Variants in COG7 observed in about 807,000 individuals in gnomAD.
COG7 encodes conserved oligomeric Golgi complex subunit 7.
COG7 carries 49 observed loss-of-function variants against 91.5 expected under a neutral mutation model. The observed-to-expected ratio is 0.54, with a 90% CI of 0.43 to 0.68. The LOEUF (loss-of-function observed/expected upper bound fraction) is 0.68, where lower values mean the gene tolerates loss of function less well. Ranked by LOEUF, COG7 falls within the 30% of genes least tolerant of loss-of-function variation. The pLI is 0.00. For synonymous variants in COG7, 365 were observed against 388.7 expected, an observed-to-expected ratio of 0.94 and a Z score of 0.72; for missense variants, 895 against 961.3, an observed-to-expected ratio of 0.93 and a Z score of 0.91.
intron 6 of COG7, among the ~76,000 whole-genome samples, chr16:23,430,254 C>A (rs1366913150): frequency 1.3e-5 from 2 of 151,966 alleles, no homozygotes; most frequent in Non-Finnish European, 2.9e-5. Flanking sequence ...CATGGCAAAA[C>A]CCTGTCTCCA....
chr16:23,406,881 G>A (rs1344127523), intron 11 of COG7, among the ~76,000 whole-genome samples: 4 of 152,310 alleles, frequency 2.6e-5, no homozygotes, highest in African/African-American at 9.6e-5. Context: ...ACGCCTAGAG[G>A]AGGTTTCATA....
intron 1 of COG7, among the ~76,000 whole-genome samples, chr16:23,452,139 T>C (rs533530208): frequency 1.2e-3 from 185 of 152,362 alleles, no homozygotes; most frequent in African/African-American, 4.3e-3. Context: ...TTAAAACTTC[T>C]AGCATTTAAA....
At chr16:23,418,296 G>T (rs2030304030) in intron 8 of COG7, among the ~76,000 whole-genome samples, 1 of 152,184 alleles carries the variant, frequency 6.6e-6, no homozygotes, top group Non-Finnish European at 1.5e-5. Context: ...CTTGAGCCCA[G>T]GAGTTTGAGA....
Position 23,394,327 on chromosome 16 carries a change from G to A in COG7, c.1888-980C>T, listed in dbSNP as rs555316460. On this transcript the variant is annotated intron_variant, in intron 14 of 16. Coordinates refer to ENST00000307149, the MANE Select transcript of COG7 (RefSeq NM_153603.4). ...CCACAATTAGCACAGTCTTGGTCAT[G>A]TGTTTGTCAGATATCCACGTGATGC... 2.0e-5 allele frequency among the ~76,000 whole-genome samples: 3 copies of A among 152,324 alleles called. No individual in the cohort carries two copies. In the South Asian group the frequency reaches 6.2e-4, roughly 32 times the overall value.
intron 4 of COG7, among the ~76,000 whole-genome samples, chr16:23,436,826 A>T (rs924817978): frequency 1.3e-5 from 2 of 152,220 alleles, no homozygotes; most frequent in African/African-American, 4.8e-5. Context: ...GGGCGGGGGA[A>T]CCCTTCCTGA....
intron 4 of COG7, among the ~76,000 whole-genome samples, chr16:23,440,666 C>T (rs773304652): frequency 6.6e-5 from 10 of 151,900 alleles, no homozygotes; most frequent in Non-Finnish European, 8.8e-5. Context: ...TGTGATACCT[C>T]GGCTTGTCTC....
chr16:23,392,597 G>T (rs1272962624), intron 15 of COG7, 74 bp from the exon 16 acceptor site: 1 of 1,577,846 alleles, frequency 6.3e-7, no homozygotes, highest in East Asian at 2.2e-5. Context: ...GTACCAGGAA[G>T]CTTCTGATCT....
chr16:23,418,917 A>C, intron 7 of COG7, 90 bp from the exon 8 acceptor site: 2 of 1,207,600 alleles, frequency 1.7e-6, no homozygotes. Flanking sequence ...CTCTACTAGA[A>C]CTTTCCCCAT....
At chr16:23,414,840 A>G (rs1282919006) in intron 9 of COG7, 1 of 152,124 alleles carries the variant, frequency 6.6e-6, no homozygotes, top group Non-Finnish European at 1.5e-5. Flanking sequence ...GGAGGGAGTC[A>G]TGTCCTCTGA....
intron 9 of COG7, chr16:23,414,997 CA>C (rs1963629977): frequency 6.6e-6 from 1 of 152,260 alleles, no homozygotes; most frequent in African/African-American, 2.4e-5. Flanking sequence ...AGACACAGGC[CA>C]CTCAATGAAC....
At chr16:23,433,768 A>G (rs1013236566) in intron 5 of COG7, 101 bp from the exon 6 acceptor site, 10 of 1,401,110 alleles carry the variant, frequency 7.1e-6, no homozygotes, top group African/African-American at 7.1e-5. Flanking sequence ...GGATTGCTCA[A>G]TGGGCTCACT....
chr16:23,402,810 GC>G (rs371402714), intron 13 of COG7, among the ~76,000 whole-genome samples: 6 of 152,330 alleles, frequency 3.9e-5, no homozygotes, highest in African/African-American at 1.2e-4. Flanking sequence ...GTTTAACTGA[GC>G]AATTTTACGG....
At chr16:23,404,502 T>G (rs1412184876) in intron 12 of COG7, among the ~76,000 whole-genome samples, 2 of 152,264 alleles carry the variant, frequency 1.3e-5, no homozygotes, top group Non-Finnish European at 2.9e-5. Flanking sequence ...TCAAGCTCAA[T>G]GCAACCAGTT....
intron 10 of COG7, chr16:23,412,750 A>T (rs1963585643): frequency 6.6e-6 from 1 of 152,378 alleles, no homozygotes; most frequent in African/African-American, 2.4e-5. Context: ...CAGCAGCAGG[A>T]TCTCGGCTCA....
At chr16:23,405,517 C>CT (rs869133051) in intron 12 of COG7, among the ~76,000 whole-genome samples, 1,643 of 139,148 alleles carry the variant, frequency 0.012, 17 homozygotes, top group African/African-American at 0.029. Flanking sequence ...CTCTTTTTTC[C>CT]TTTTTTTTTT....
intron 16 of COG7, chr16:23,391,883 A>G: frequency 1.9e-6 from 1 of 513,474 alleles, no homozygotes; most frequent in Non-Finnish European, 2.7e-6. Flanking sequence ...CCACAAAGTG[A>G]CCCTGGCCAC....
rs201313774 is a variant in COG7 at position 23,417,092 on chromosome 16, C to T, written c.1167G>A (p.Gln389=). 1.1e-4 allele frequency: 175 copies of T among 1,614,102 alleles called. No homozygotes were observed. Among genetic ancestry groups the T allele is most frequent in the Non-Finnish European group, 1.4e-4 (169 of 1,180,040 alleles). ...GCTTGTTCACGGAGTGGCTCAGCTC[C>T]TGCACACAGTCAATCACTTCCCCAT... ...LEHGEVIDCV[Q]ELSHSVNKLF... The change falls in exon 9 of 17, where the codon CAG becomes CAA. Residue 389 remains glutamine, a synonymous_variant. Transcript: ENST00000307149.
rs71379679 is a variant in COG7, at chr16:23,445,969, T to TAAA, written c.170-11_170-9dup. The stretch of plus-strand genomic sequence containing the variant: ...GAGCTTGGTGACTTGTTTCTGTAGT[T>TAAA]AAAAAAAAAAAAAAAAACAACAACA... On this transcript the variant is annotated splice_polypyrimidine_tract_variant and intron_variant, in intron 1 of 16. Transcript: ENST00000307149. 121 of 1,491,906 alleles carry TAAA rather than the reference T, an allele frequency of 8.1e-5. No individual in the cohort carries two copies. The highest frequency in any genetic ancestry group is 3.1e-4 in the Admixed American group (16 of 51,162). 92.4% of individuals were successfully genotyped at this position (1,491,906 alleles called of 1,614,324 possible).
intron 6 of COG7, among the ~76,000 whole-genome samples, chr16:23,427,564 G>T (rs1963868731): frequency 1.3e-5 from 2 of 152,052 alleles, no homozygotes; most frequent in Non-Finnish European, 2.9e-5. Context: ...TCACCATTAG[G>T]ATGCGTCACT....
Sources: allele counts gnomAD v4.1 joint callset (sites outside exome capture counted in the v4.1 genomes callset), GRCh38; gene constraint gnomAD v4.1.1; transcripts MANE v1.5; gene names NCBI Gene and HGNC (gene_info 2026-07-23, HGNC 2026-07-21).